FAM13A: variants seen among roughly 807,000 people sequenced by gnomAD.
FAM13A encodes protein FAM13A.
In FAM13A, 76 loss-of-function variants were observed where a neutral mutation model predicts 129.6. The observed-to-expected ratio is 0.59, with a 90% confidence interval of 0.49 to 0.71. The LOEUF is 0.71. FAM13A is among the 30% of genes least tolerant of loss of function. The pLI, the probability that FAM13A is intolerant of heterozygous loss-of-function variation, is 0.00. For missense variants in FAM13A, 1,108 were observed against 1,249.3 expected (o/e 0.89, Z 1.70); for synonymous variants, 443 against 449.9 (o/e 0.98, Z 0.20).
chr4:88,818,367 T>C (rs961039634), intron 7 of FAM13A, among the ~76,000 whole-genome samples: 2 of 152,246 alleles, frequency 1.3e-5, no homozygotes, highest in African/African-American at 4.8e-5. Context: ...TATCATCTCT[T>C]ACAGACAATG....
intron 5 of FAM13A, among the ~76,000 whole-genome samples, chr4:88,925,780 A>C (rs1308636990): frequency 6.6e-6 from 1 of 151,302 alleles, no homozygotes; most frequent in Middle Eastern, 3.2e-3. Flanking sequence ...ACCCTAGAAA[A>C]ATTTACAATG....
At chr4:88,761,578 C>T (rs76806573) in intron 13 of FAM13A, among the ~76,000 whole-genome samples, 11,532 of 151,982 alleles carry the variant, frequency 0.076, 518 homozygotes, top group African/African-American at 0.094. Flanking sequence ...ATAACAAGTG[C>T]AAAGGCAGGC....
intron 6 of FAM13A, among the ~76,000 whole-genome samples, chr4:88,893,989 T>G (rs188232312): frequency 6.6e-6 from 1 of 152,162 alleles, no homozygotes; most frequent in South Asian, 2.1e-4. Context: ...AACTAGAAAT[T>G]AGTGCAATCC....
intron 7 of FAM13A, among the ~76,000 whole-genome samples, chr4:88,805,635 C>T (rs765688259): frequency 1.1e-4 from 17 of 151,704 alleles, no homozygotes; most frequent in Non-Finnish European, 2.2e-4. Context: ...CCTCAAACAA[C>T]ACAGACAAAA....
chr4:88,852,816 G>A (rs1311591011), intron 6 of FAM13A, among the ~76,000 whole-genome samples: 1 of 152,082 alleles, frequency 6.6e-6, no homozygotes, highest in Non-Finnish European at 1.5e-5. Flanking sequence ...ATTTTTAAAA[G>A]TAATATGGGA....
intron 5 of FAM13A, among the ~76,000 whole-genome samples, chr4:88,919,004 AC>A (rs770072758): frequency 2.0e-5 from 3 of 152,244 alleles, no homozygotes; most frequent in Non-Finnish European, 4.4e-5. Context: ...AATGAGAAAT[AC>A]ATTTTGATTG....
intron 6 of FAM13A, among the ~76,000 whole-genome samples, chr4:88,877,121 G>C (rs540131221): frequency 6.6e-6 from 1 of 152,152 alleles, no homozygotes; most frequent in South Asian, 2.1e-4. Context: ...CTTCTTTTTG[G>C]TGCTTTTGCT....
Position 88,728,634 on chromosome 4 carries a change from G to A in FAM13A, c.2971C>T (p.Pro991Ser). Residue 991 changes from proline (P) to serine (S), a missense_variant, in exon 24 of 24, where the codon CCT becomes TCT. Transcript: ENST00000264344. ...GRNVQKEDRT[P>S]MAEEYSEYKH... is the part of the protein sequence containing the mutation. The stretch of plus-strand genomic sequence containing the variant: ...TATTCACTGTATTCTTCAGCCATAG[G>A]AGTGCGGTCTTCCTTCTGGACATTT... 1 of 1,614,188 alleles carries A rather than the reference G, an allele frequency of 6.2e-7. No individual in the cohort carries two copies.
Position 88,847,598 on chromosome 4 carries a change from G to A in FAM13A, c.1007+3422C>T, listed in dbSNP as rs372789490. On this transcript the variant is annotated intron_variant, in intron 7 of 23. Transcript: ENST00000264344. ...AAAGGAGAGTCTTGTTAACTTGGAA[G>A]CAGGAAACTTATTTTCATTTTCTGA... 9.6e-4 allele frequency among the ~76,000 whole-genome samples: 146 copies of A among 152,212 alleles called. 1 individual carries two copies. The highest frequency in any genetic ancestry group is 3.4e-3 in the African/African-American group (141 of 41,528).
rs759024023 is a variant in FAM13A at position 88,739,031 on chromosome 4, A to G, written c.2561T>C (p.Ile854Thr). 1.7e-5 allele frequency: 27 copies of G among 1,607,534 alleles called. No homozygotes were observed. Among genetic ancestry groups the G allele is most frequent in the Non-Finnish European group, 2.2e-5 (26 of 1,174,142 alleles). Residue 854 changes from isoleucine to threonine, a missense_variant and splice_region_variant, in exon 20 of 24, where the codon ATT (isoleucine) becomes ACT (threonine). Ile to Thr is a moderately conservative substitution (Grantham distance 89, BLOSUM62 -1). Around this residue, in one of 3 missense-constraint regions of FAM13A, gnomAD observed 529 missense variants for 621.2 expected, o/e 0.85. Coordinates refer to ENST00000264344, the MANE Select transcript of FAM13A (RefSeq NM_014883.4). ...ILSRANTIPIIGSPSSKRRSP... is the reference protein window; with the variant it reads ...ILSRANTIPITGSPSSKRRSP... Reference sequence around the variant, plus strand: ...GCCACGGGAAGGTATTCTACTCACAATGATGGGTATGGTGTTAGCTCGGGA... The same window carrying G: ...GCCACGGGAAGGTATTCTACTCACAGTGATGGGTATGGTGTTAGCTCGGGA...
intron 4 of FAM13A, among the ~76,000 whole-genome samples, chr4:88,950,762 A>G (rs1756821938): frequency 6.6e-6 from 1 of 152,210 alleles, no homozygotes; most frequent in African/African-American, 2.4e-5. Flanking sequence ...GAATTTTTCT[A>G]TAATTCCCAT....
At chr4:89,025,071 T>C (rs1767747994) in intron 2 of FAM13A, among the ~76,000 whole-genome samples, 1 of 152,130 alleles carries the variant, frequency 6.6e-6, no homozygotes, top group South Asian at 2.1e-4. Flanking sequence ...TTAAATTTTG[T>C]CAAAATTTTC....
intron 5 of FAM13A, among the ~76,000 whole-genome samples, chr4:88,926,024 C>A (rs78548846): frequency 2.0e-5 from 3 of 151,790 alleles, no homozygotes; most frequent in Admixed American, 6.6e-5. Flanking sequence ...GGTGGTTCTG[C>A]GGTGGAATGG....
chr4:88,733,373 GT>G (rs1738281713), intron 21 of FAM13A, among the ~76,000 whole-genome samples: 1 of 152,248 alleles, frequency 6.6e-6, no homozygotes, highest in South Asian at 2.1e-4. Flanking sequence ...TTTCCAGATT[GT>G]CTCAGCTGTG....
At chr4:89,044,036 T>C (rs1770505218) in intron 1 of FAM13A, among the ~76,000 whole-genome samples, 1 of 140,092 alleles carries the variant, frequency 7.1e-6, no homozygotes, top group African/African-American at 2.7e-5. Context: ...AGGTCAAGGT[T>C]ACAGTGAGCC....
Position 89,013,021 on chromosome 4 carries a change from G to C in FAM13A, c.427+7439C>G, listed in dbSNP as rs374228857. On this transcript the variant is annotated intron_variant, in intron 3 of 23. Coordinates refer to ENST00000264344, the MANE Select transcript of FAM13A (RefSeq NM_014883.4). Reference sequence around the variant, plus strand: ...ATCACATATTGATGTATAGTAGAAAGGGTGGGAGATGAGAATACTGTTTAC... The same window carrying C: ...ATCACATATTGATGTATAGTAGAAACGGTGGGAGATGAGAATACTGTTTAC... 7.9e-5 allele frequency among the ~76,000 whole-genome samples: 12 copies of C among 152,226 alleles called. No homozygotes were observed. In the East Asian group the frequency reaches 9.6e-4, roughly 12 times the overall value.
intron 5 of FAM13A, among the ~76,000 whole-genome samples, chr4:88,923,665 C>T (rs1751546894): frequency 6.6e-6 from 1 of 152,152 alleles, no homozygotes; most frequent in African/African-American, 2.4e-5. Flanking sequence ...CCCTCTCTCA[C>T]CACTCCTACT....
intron 10 of FAM13A, among the ~76,000 whole-genome samples, chr4:88,786,845 C>T (rs1025234941): frequency 1.3e-5 from 2 of 150,012 alleles, no homozygotes; most frequent in South Asian, 2.1e-4. Context: ...AAAAAGAATG[C>T]GAATGAGGGG....
intron 23 of FAM13A, among the ~76,000 whole-genome samples, chr4:88,731,037 T>C (rs979189636): frequency 5.9e-5 from 9 of 152,132 alleles, no homozygotes; most frequent in African/African-American, 1.4e-4. Context: ...CTGCTGCTCA[T>C]TGTAGATAAG....
Sources: gnomAD v4.1 joint callset for allele counts (sites outside exome capture counted in the v4.1 genomes callset) on GRCh38, gnomAD v4.1.1 for gene constraint, gnomAD v4.1.1 regional missense constraint, MANE v1.5 for transcripts, NCBI Gene and HGNC (gene_info 2026-07-23, HGNC 2026-07-21) for gene names.